Variants in DLG2 observed in about 807,000 individuals in gnomAD.
The protein encoded by DLG2 is discs large MAGUK scaffold protein 2.
In DLG2, 45 loss-of-function variants were observed where a neutral mutation model predicts 132.5. The ratio of observed to expected loss-of-function variants is 0.34; its 90% CI spans 0.27 to 0.44. The LOEUF is 0.44. Among genes scored for constraint, DLG2 ranks in the 20% least tolerant of loss-of-function variants. DLG2 has a pLI of 1.00. For missense variants in DLG2, 1,045 were observed against 1,196.9 expected (o/e 0.87, Z 1.87); for synonymous variants, 424 against 419.6 (o/e 1.01, Z -0.13).
chr11:84,128,755 T>C (rs1337555712), intron 9 of DLG2, among the ~76,000 whole-genome samples: 1 of 151,970 alleles, frequency 6.6e-6, no homozygotes, highest in African/African-American at 2.4e-5. Flanking sequence ...ATTGATATAA[T>C]CAAGCGAGGC....
At chr11:85,264,464 G>A (rs142637102) in intron 4 of DLG2, among the ~76,000 whole-genome samples, 1 of 152,232 alleles carries the variant, frequency 6.6e-6, no homozygotes, top group Non-Finnish European at 1.5e-5. Context: ...AAAGAACTAA[G>A]ATGGGGTGAA....
intron 4 of DLG2, among the ~76,000 whole-genome samples, chr11:85,164,100 G>A (rs960660859): frequency 2.6e-5 from 4 of 152,070 alleles, no homozygotes. Context: ...AGTGAATAAA[G>A]GTTGCCTTGT....
At chr11:85,373,628 T>G (rs896352018) in intron 3 of DLG2, among the ~76,000 whole-genome samples, 1 of 152,152 alleles carries the variant, frequency 6.6e-6, no homozygotes, top group Admixed American at 6.5e-5. Context: ...CTTCTTCCTG[T>G]GTGGAACCTG....
At chr11:84,471,505 G>A (rs1471704690) in intron 7 of DLG2, among the ~76,000 whole-genome samples, 3 of 151,690 alleles carry the variant, frequency 2.0e-5, no homozygotes, top group Admixed American at 2.0e-4. Context: ...AAATCTGACA[G>A]CCTTTAGCTC....
At chr11:84,949,661 G>A (rs575571969) in intron 6 of DLG2, among the ~76,000 whole-genome samples, 2 of 152,250 alleles carry the variant, frequency 1.3e-5, no homozygotes, top group Admixed American at 6.5e-5. Flanking sequence ...GCTCTGTTCT[G>A]CCTGGCTCAC....
At chr11:85,505,345 T>A (rs1451901766) in intron 3 of DLG2, among the ~76,000 whole-genome samples, 2 of 152,178 alleles carry the variant, frequency 1.3e-5, no homozygotes, top group African/African-American at 2.4e-5. Context: ...TAGTATGATA[T>A]TGGCTGTGGG....
chr11:83,514,581 T>C (rs1465643973), intron 21 of DLG2, among the ~76,000 whole-genome samples: 3 of 152,150 alleles, frequency 2.0e-5, no homozygotes, highest in Non-Finnish European at 2.9e-5. Flanking sequence ...ATAGGAGTGG[T>C]GAGAGAAGAC....
chr11:84,881,498 G>A (rs903927337), intron 6 of DLG2, among the ~76,000 whole-genome samples: 6 of 152,114 alleles, frequency 3.9e-5, no homozygotes, highest in South Asian at 2.1e-4. Context: ...CAAAACTGGG[G>A]TGCCAATTCA....
intron 9 of DLG2, among the ~76,000 whole-genome samples, chr11:84,163,151 G>C (rs112985215): frequency 0.013 from 1,906 of 152,224 alleles, 19 homozygotes; most frequent in Non-Finnish European, 0.018. Flanking sequence ...TCTAAATAAT[G>C]TATAGCCAAA....
At chr11:85,243,483 T>C (rs2075989910) in intron 4 of DLG2, among the ~76,000 whole-genome samples, 1 of 152,030 alleles carries the variant, frequency 6.6e-6, no homozygotes, top group African/African-American at 2.4e-5. Flanking sequence ...GTTTTTGCTA[T>C]GACTACAAGT....
chr11:84,436,927 A>C (rs574822530), intron 7 of DLG2, among the ~76,000 whole-genome samples: 7 of 152,306 alleles, frequency 4.6e-5, no homozygotes, highest in Admixed American at 4.6e-4. Context: ...AGAGTCCCAG[A>C]TATATGTTCC....
At chr11:83,825,162 T>TAG (rs1175358828) in intron 17 of DLG2, among the ~76,000 whole-genome samples, 2 of 99,922 alleles carry the variant, frequency 2.0e-5, no homozygotes, top group South Asian at 6.8e-4. Context: ...CATATATATA[T>TAG]ATATATATAT....
intron 6 of DLG2, among the ~76,000 whole-genome samples, chr11:84,766,001 CCT>C (rs2068358114): frequency 6.6e-6 from 1 of 152,030 alleles, no homozygotes; most frequent in Non-Finnish European, 1.5e-5. Context: ...TCCCACAATA[CCT>C]TCAGTTCACT....
At chr11:83,640,094 C>A in intron 18 of DLG2, among the ~76,000 whole-genome samples, 1 of 152,182 alleles carries the variant, frequency 6.6e-6, no homozygotes, top group Non-Finnish European at 1.5e-5. Flanking sequence ...ACGTGTGCAG[C>A]TTTAACAACA....
chr11:83,515,759 TTCTG>T (rs1263753519), intron 21 of DLG2, among the ~76,000 whole-genome samples: 1 of 152,248 alleles, frequency 6.6e-6, no homozygotes, highest in Non-Finnish European at 1.5e-5. Context: ...ACATCTTTAT[TTCTG>T]CCTTCATTTC....
At chr11:84,210,376 G>A (rs1293367458) in intron 8 of DLG2, among the ~76,000 whole-genome samples, 2 of 138,944 alleles carry the variant, frequency 1.4e-5, no homozygotes, top group African/African-American at 5.2e-5. Context: ...TCACACTCTG[G>A]GGACTGTGGT....
intron 6 of DLG2, chr11:84,545,038 C>A: frequency 2.2e-6 from 1 of 449,026 alleles, no homozygotes. Context: ...GGTGCTGCCA[C>A]CACTGTGCAT....
At chr11:85,567,960 T>G (rs192378286) in intron 3 of DLG2, among the ~76,000 whole-genome samples, 2 of 152,196 alleles carry the variant, frequency 1.3e-5, no homozygotes, top group Admixed American at 6.5e-5. Context: ...ATCTTTGCAT[T>G]CTTGGAATAA....
chr11:84,907,343 G>A (rs1190076081), intron 6 of DLG2, among the ~76,000 whole-genome samples: 1 of 152,152 alleles, frequency 6.6e-6, no homozygotes, highest in Admixed American at 6.5e-5. Context: ...AGAGAAAGTT[G>A]AGGGTTTTGT....
Sources: gnomAD v4.1 joint callset for allele counts (sites outside exome capture counted in the v4.1 genomes callset) on GRCh38, gnomAD v4.1.1 for gene constraint, MANE v1.5 for transcripts, NCBI Gene and HGNC (gene_info 2026-07-23, HGNC 2026-07-21) for gene names.